The following MROH1 variants were observed in gnomAD, a reference collection of about 807,000 sequenced individuals.
The protein encoded by MROH1 is maestro heat-like repeat-containing protein family member 1.
A neutral mutation model predicts 116.5 loss-of-function variants in MROH1; 117 were observed. The observed-to-expected ratio is 1.00, with a 90% CI of 0.86 to 1.17. The LOEUF is 1.17. MROH1 is among the 50% of genes most tolerant of loss of function. The pLI is 0.00. For synonymous variants in MROH1, 921 were observed against 583.9 expected (o/e 1.58, Z -8.32); for missense variants, 1,873 against 1,338.5 (o/e 1.40, Z -6.23).
intron 14 of MROH1, among the ~76,000 whole-genome samples, chr8:144,226,257 CG>C (rs1564519145): frequency 2.0e-5 from 3 of 151,926 alleles, no homozygotes; most frequent in Non-Finnish European, 2.9e-5. Context: ...GTTTGAGGCT[CG>C]TTTTTTTGCA....
At position 144,198,990 on chromosome 8, in the gene MROH1, G is replaced by A. The variant is rs574503849; in HGVS notation, c.949-132G>A. On this transcript the variant is annotated intron_variant, in intron 10 of 43. Transcript: ENST00000326134. ...GGGTGAGAAAGAGCCTGGAGCGCCC[G>A]CTGCATGCTGTAGGCATGGGGTGGA... The A allele has an allele frequency of 1.0e-3, 793 of 772,936 alleles. 12 individuals are homozygous for A. The South Asian group carries it at 0.012, about 12-fold the overall frequency. 47.9% of individuals were successfully genotyped at this position (772,936 alleles called of 1,614,324 possible).
chr8:144,250,512 C>T, intron 33 of MROH1, 146 bp downstream of exon 33: 1 of 695,434 alleles, frequency 1.4e-6, no homozygotes, highest in Non-Finnish European at 2.6e-6. Flanking sequence ...CAGAAAGTGA[C>T]ATGGAGCCAG....
rs1377933273 is a variant in MROH1 at position 144,253,439 on chromosome 8, G to A, written c.3429-1374G>A. On this transcript the variant is annotated intron_variant, in intron 33 of 43. Transcript: ENST00000326134. ...AAGGCCTGAGCCATTGTCTGTCCTGGTCAGAAGCTTGCCAGCCCTTCCCTG... is the reference window on the plus strand; with the variant it reads ...AAGGCCTGAGCCATTGTCTGTCCTGATCAGAAGCTTGCCAGCCCTTCCCTG... 4.6e-5 allele frequency among the ~76,000 whole-genome samples: 7 copies of A among 152,338 alleles called. 1 individual carries two copies. In the East Asian group the frequency reaches 1.4e-3, roughly 29 times the overall value.
chr8:144,217,089 G>A (rs1227135799), intron 12 of MROH1, among the ~76,000 whole-genome samples: 2 of 152,184 alleles, frequency 1.3e-5, no homozygotes, highest in African/African-American at 4.8e-5. Context: ...GGAGGCCAAG[G>A]TAGGAGGATT....
intron 12 of MROH1, among the ~76,000 whole-genome samples, chr8:144,212,223 T>TG (rs907853841): frequency 1.6e-4 from 24 of 152,008 alleles, no homozygotes; most frequent in African/African-American, 5.8e-4. Context: ...AGCTGGGACT[T>TG]GCAGGTGCAC....
chr8:144,219,781 G>A (rs549455402), intron 12 of MROH1, among the ~76,000 whole-genome samples: 67 of 152,298 alleles, frequency 4.4e-4, no homozygotes, highest in Middle Eastern at 3.4e-3. Context: ...CCTCGAAACC[G>A]ACAGTGAGAG....
rs1820096305 is a variant in MROH1 at position 144,163,684 on chromosome 8, T to C, written c.-56-87T>C. 2.5e-6 allele frequency: 2 copies of C among 794,516 alleles called. No individual in the cohort carries two copies. The highest frequency in any genetic ancestry group is 4.0e-6 in the Non-Finnish European group (2 of 497,608). 49.2% of individuals were successfully genotyped at this position (794,516 alleles called of 1,614,324 possible). On this transcript the variant is annotated intron_variant, in intron 2 of 43. Transcript: ENST00000326134. This position sits in a 1 kb window ranked among gnomAD's most constrained non-coding sequence, Gnocchi z 4.4. ...CCCCAGAATAAATTCATTTAAATTG[T>C]GTATTTTACATGGAAATGGTAATTG...
intron 14 of MROH1, among the ~76,000 whole-genome samples, chr8:144,231,873 CGAAATG>C (rs1838958202): frequency 6.6e-6 from 1 of 152,106 alleles, no homozygotes; most frequent in Non-Finnish European, 1.5e-5. Flanking sequence ...ACGTCACGCC[CGAAATG>C]GGCTTGCTTG....
chr8:144,160,053 G>A (rs961703635), intron 1 of MROH1, among the ~76,000 whole-genome samples: 2 of 152,180 alleles, frequency 1.3e-5, no homozygotes, highest in Non-Finnish European at 1.5e-5. Flanking sequence ...ACAGGCGTGA[G>A]CCACCGCGCC....
Position 144,256,114 on chromosome 8 carries a change from T to G in MROH1, c.3791+409T>G, listed in dbSNP as rs997135235. 4.3e-4 allele frequency among the ~76,000 whole-genome samples: 66 copies of G among 152,250 alleles called. No homozygotes were observed. The South Asian group carries it at 8.7e-3, about 20-fold the overall frequency. On this transcript the variant is annotated intron_variant, in intron 35 of 43. Coordinates refer to ENST00000326134, the MANE Select transcript of MROH1 (RefSeq NM_032450.3). The stretch of plus-strand genomic sequence containing the variant: ...CTGAAACTGCCCCAGCAGAGCGGCC[T>G]TTGGCACGTGTTCACAGCCCCACAC...
chr8:144,247,537 G>A, intron 30 of MROH1, 30 bp from the exon 31 acceptor site: 1 of 763,692 alleles, frequency 1.3e-6, no homozygotes, highest in South Asian at 1.4e-5. Flanking sequence ...GAGGGCCTGG[G>A]CCCGACTGCT....
intron 1 of MROH1, among the ~76,000 whole-genome samples, chr8:144,156,712 A>AG (rs1818199806): frequency 7.3e-6 from 1 of 136,396 alleles, no homozygotes. Context: ...CTGTCTCAAA[A>AG]AAAAAAAAAA....
At chr8:144,253,273 A>G (rs1274165418) in intron 33 of MROH1, among the ~76,000 whole-genome samples, 2 of 152,262 alleles carry the variant, frequency 1.3e-5, no homozygotes, top group Non-Finnish European at 2.9e-5. Context: ...ATGACACGTG[A>G]AAATGATAGG....
chr8:144,234,498 G>GTTTTTGTTTTTTTTTTTTTTTTTTTT (rs1839621583), intron 14 of MROH1, among the ~76,000 whole-genome samples: 16 of 18,102 alleles, frequency 8.8e-4, no homozygotes, highest in Non-Finnish European at 1.4e-3. Context: ...TTTCTTTTTC[G>GTTTTTGTTTTTTTTTTTTTTTTTTTT]TTTTTTTTTT....
chr8:144,243,497 C>T lies in MROH1; in HGVS notation c.2356C>T (p.Pro786Ser), dbSNP rs2132977043. Reference protein sequence around the residue: ...VLGIKVETKDPALKLCLVQSV... With the variant: ...VLGIKVETKDSALKLCLVQSV... ...CTGTAGCCCTGCGTCCCTGCAGGACCCAGCCCTGAAGCTGTGCCTTGTCCA... is the reference window on the plus strand; with the variant it reads ...CTGTAGCCCTGCGTCCCTGCAGGACTCAGCCCTGAAGCTGTGCCTTGTCCA... The change falls in exon 25 of 44, where the codon CCA (proline) becomes TCA (serine). Residue 786 changes from proline (P) to serine (S), a missense_variant. Pro to Ser is a moderately conservative substitution (Grantham distance 74). Coordinates refer to ENST00000326134, the MANE Select transcript of MROH1 (RefSeq NM_032450.3). The T allele has an allele frequency of 1.3e-6, 1 of 779,580 alleles. No homozygotes were observed. The highest frequency in any genetic ancestry group is 1.3e-5 in the South Asian group (1 of 74,590). The allele number at this position is 779,580 out of a possible 1,614,324, so 48.3% of individuals were successfully genotyped here.
At chr8:144,260,539 C>T (rs1844839761) in intron 39 of MROH1, 138 bp from the exon 40 acceptor site, 2 of 745,072 alleles carry the variant, frequency 2.7e-6, no homozygotes, top group Non-Finnish European at 4.9e-6. Context: ...CTGGCAGCCC[C>T]CACCCGTAAG....
At chr8:144,198,374 A>G (rs1830405596) in intron 10 of MROH1, among the ~76,000 whole-genome samples, 1 of 152,172 alleles carries the variant, frequency 6.6e-6, no homozygotes, top group Non-Finnish European at 1.5e-5. Context: ...CTAAGGTACC[A>G]TGGAGCCCAG....
chr8:144,184,195 C>T (rs1185634050), intron 7 of MROH1, among the ~76,000 whole-genome samples: 3 of 152,140 alleles, frequency 2.0e-5, no homozygotes, highest in East Asian at 1.9e-4. Context: ...AGACGTTAGC[C>T]GTGTAAATGG....
At chr8:144,207,828 A>G (rs866358631) in intron 12 of MROH1, among the ~76,000 whole-genome samples, 4 of 152,132 alleles carry the variant, frequency 2.6e-5, no homozygotes, top group East Asian at 3.8e-4. Flanking sequence ...ATATTCTTCT[A>G]TATTTTCTTT....
Sources: allele counts gnomAD v4.1 joint callset (sites outside exome capture counted in the v4.1 genomes callset), GRCh38; gene constraint gnomAD v4.1.1; non-coding constraint Gnocchi (gnomAD v3.1); transcripts MANE v1.5; gene names NCBI Gene and HGNC (gene_info 2026-07-23, HGNC 2026-07-21).